Variants in FGFR2 observed in about 807,000 individuals in gnomAD.
FGFR2 encodes the protein BEK fibroblast growth factor receptor.
A neutral mutation model predicts 95.9 loss-of-function variants in FGFR2; 19 were observed. The observed-to-expected ratio is 0.20, with a 90% confidence interval of 0.14 to 0.29. The LOEUF (loss-of-function observed/expected upper bound fraction) is 0.29. FGFR2 is among the 10% of genes least tolerant of loss of function. FGFR2 has a pLI of 1.00. For synonymous variants in FGFR2, 392 were observed against 393.3 expected (o/e 1.00, Z 0.04); for missense variants, 707 against 1,056.9 (o/e 0.67, Z 4.59).
At chr10:121,525,646 AG>A (rs1221100816) in intron 6 of FGFR2, among the ~76,000 whole-genome samples, 5 of 150,580 alleles carry the variant, frequency 3.3e-5, no homozygotes, top group African/African-American at 1.2e-4. Context: ...AGAGAGAGAG[AG>A]GAAAAAAATA....
intron 5 of FGFR2, among the ~76,000 whole-genome samples, chr10:121,550,468 T>G (rs1416167480): frequency 6.6e-6 from 1 of 152,010 alleles, no homozygotes; most frequent in African/African-American, 2.4e-5. Flanking sequence ...AATTTCAAAC[T>G]CCCTAGGGAG....
At chr10:121,523,199 C>A (rs1048440759) in intron 6 of FGFR2, among the ~76,000 whole-genome samples, 1 of 152,184 alleles carries the variant, frequency 6.6e-6, no homozygotes, top group African/African-American at 2.4e-5. Context: ...GCAAAGAAAT[C>A]ATTCATCTGC....
Position 121,538,608 on chromosome 10 carries a change from G to A in FGFR2, c.732C>T (p.Tyr244=), listed in dbSNP as rs2134601599. 1.2e-6 allele frequency: 2 copies of A among 1,614,184 alleles called. No homozygotes were observed. The highest frequency in any genetic ancestry group is 1.7e-6 in the Non-Finnish European group (2 of 1,180,040). The change falls in exon 6 of 18, where the codon TAC becomes TAT. Residue 244 remains tyrosine, a synonymous_variant. Transcript: ENST00000358487. ...CAAACTCACCCACAACATCCAGGTG[G>A]TACGTGTGATTGATGGACCCGTATT... is the stretch of plus-strand genomic sequence containing the variant. ...ENEYGSINHT[Y]HLDVVERSPH... is the part of the protein sequence containing the mutation.
chr10:121,560,095 C>G (rs559855062), intron 4 of FGFR2, among the ~76,000 whole-genome samples: 57 of 152,136 alleles, frequency 3.7e-4, no homozygotes, highest in Admixed American at 9.8e-4. Flanking sequence ...CACTCCACCC[C>G]CATCGTGACC....
chr10:121,581,134 C>T (rs1157966933), intron 2 of FGFR2, among the ~76,000 whole-genome samples: 3 of 152,190 alleles, frequency 2.0e-5, no homozygotes, highest in Admixed American at 6.5e-5. Flanking sequence ...CACTCAAATA[C>T]GGCCTGGAGG....
At chr10:121,539,691 C>T (rs1158402065) in intron 5 of FGFR2, among the ~76,000 whole-genome samples, 1 of 152,220 alleles carries the variant, frequency 6.6e-6, no homozygotes, top group Non-Finnish European at 1.5e-5. Context: ...AATAAACAGT[C>T]AAGGCCTACT....
chr10:121,548,279 T>A (rs1037886556), intron 5 of FGFR2, among the ~76,000 whole-genome samples: 1 of 77,924 alleles, frequency 1.3e-5, no homozygotes, highest in African/African-American at 4.9e-5. Flanking sequence ...TTTTTTTTTT[T>A]GGTAAAGCAA....
chr10:121,572,699 T>G (rs1374171345), intron 2 of FGFR2, among the ~76,000 whole-genome samples: 1 of 152,214 alleles, frequency 6.6e-6, no homozygotes, highest in Non-Finnish European at 1.5e-5. Flanking sequence ...ATTCCTGCCT[T>G]GACCTGGCCT....
intron 10 of FGFR2, among the ~76,000 whole-genome samples, chr10:121,503,311 T>C (rs576064167): frequency 6.6e-6 from 1 of 152,346 alleles, no homozygotes; most frequent in African/African-American, 2.4e-5. Flanking sequence ...AGGTACCATA[T>C]TTGAAGCTTT....
intron 5 of FGFR2, among the ~76,000 whole-genome samples, chr10:121,549,412 C>T (rs1424408234): frequency 1.3e-5 from 2 of 152,186 alleles, no homozygotes; most frequent in Non-Finnish European, 2.9e-5. Flanking sequence ...CCCTACCTGG[C>T]TGTAAAGGAC....
At chr10:121,577,844 C>A (rs1324631273) in intron 2 of FGFR2, among the ~76,000 whole-genome samples, 2 of 152,070 alleles carry the variant, frequency 1.3e-5, no homozygotes, top group East Asian at 3.9e-4. Context: ...CCAAAACAAG[C>A]AAGTGACCTT....
At position 121,517,966 on chromosome 10, in the gene FGFR2, C is replaced by T. The variant is rs1849916525; in HGVS notation, c.940-503G>A. ...TTGGGGTGGAAGGTTGTCTTGGTTA[C>T]CAGGCTCTGGTTATTTTTACTTCTG... On this transcript the variant is annotated intron_variant, in intron 7 of 17. Transcript: ENST00000358487. This position sits in a 1 kb window ranked among gnomAD's most constrained non-coding sequence, Gnocchi z 4.7. 9.8e-6 allele frequency: 4 copies of T among 409,320 alleles called. No individual in the cohort carries two copies. Among genetic ancestry groups the T allele is most frequent in the South Asian group, 7.7e-5 (4 of 51,898 alleles). 25.4% of individuals were successfully genotyped at this position (409,320 alleles called of 1,614,324 possible). A position where few individuals can be genotyped will look rare whatever the true frequency, so the allele number is the denominator to read the frequency against.
rs180890406 is a variant in FGFR2, at chr10:121,574,484, G to A, written c.110-8780C>T. ...GCGGGGGTTGCAGTGAGCCCAGATCGCACCACTGCACTCCAGCCTGGGTGA... is the reference window on the plus strand; with the variant it reads ...GCGGGGGTTGCAGTGAGCCCAGATCACACCACTGCACTCCAGCCTGGGTGA... On this transcript the variant is annotated intron_variant, in intron 2 of 17. Transcript: ENST00000358487. 7.3e-3 allele frequency among the ~76,000 whole-genome samples: 1,109 copies of A among 151,956 alleles called. 14 individuals are homozygous for A. The highest frequency in any genetic ancestry group is 0.021 in the African/African-American group (869 of 41,400).
chr10:121,596,413 C>T (rs41301551), intron 1 of FGFR2: 14,566 of 195,632 alleles, frequency 0.074, 914 homozygotes, highest in East Asian at 0.21. Context: ...AATACAGTGC[C>T]CTCCGCTTTG....
rs1292144977 is a variant in FGFR2 at position 121,517,048 on chromosome 10, A to C, written c.1084+271T>G. Among the ~76,000 whole-genome samples, 2 of 152,196 alleles carry C rather than the reference A, an allele frequency of 1.3e-5. No individual in the cohort carries two copies. Among genetic ancestry groups the C allele is most frequent in the Non-Finnish European group, 2.9e-5 (2 of 68,022 alleles). On this transcript the variant is annotated intron_variant, in intron 8 of 17. Coordinates refer to ENST00000358487, the MANE Select transcript of FGFR2 (RefSeq NM_000141.5). The surrounding 1 kb of genome is among the most constrained non-coding windows in gnomAD (Gnocchi z 4.7). ...CCTTAAGAGAAAGGGGGATGGGCTA[A>C]TTTATACATTGGCTCAATGACTCAC...
At chr10:121,563,988 G>A (rs905501983) in intron 4 of FGFR2, among the ~76,000 whole-genome samples, 7 of 152,202 alleles carry the variant, frequency 4.6e-5, no homozygotes, top group Admixed American at 2.0e-4. Flanking sequence ...TCTTGGACCA[G>A]ATAATTCTTT....
At chr10:121,581,905 C>T (rs985712058) in intron 2 of FGFR2, among the ~76,000 whole-genome samples, 25 of 150,438 alleles carry the variant, frequency 1.7e-4, no homozygotes, top group African/African-American at 2.0e-4. Flanking sequence ...CCTAGCCCTT[C>T]ATTTTTTATT....
At chr10:121,488,526 G>A (rs1845719667) in intron 13 of FGFR2, among the ~76,000 whole-genome samples, 1 of 118,670 alleles carries the variant, frequency 8.4e-6, no homozygotes, top group Non-Finnish European at 1.6e-5. Context: ...GGGTGACAGA[G>A]TGAGACTCTG....
chr10:121,581,692 C>G (rs1258922632), intron 2 of FGFR2, among the ~76,000 whole-genome samples: 1 of 147,880 alleles, frequency 6.8e-6, no homozygotes, highest in African/African-American at 2.5e-5. Flanking sequence ...GTCCAGGATG[C>G]AATGAGCTGT....
Sources: allele counts gnomAD v4.1 joint callset (sites outside exome capture counted in the v4.1 genomes callset), GRCh38; gene constraint gnomAD v4.1.1; non-coding constraint Gnocchi (gnomAD v3.1); transcripts MANE v1.5; gene names NCBI Gene and HGNC (gene_info 2026-07-23, HGNC 2026-07-21).